Variants in MTUS2 observed in about 807,000 individuals in gnomAD.
MTUS2 encodes microtubule-associated tumor suppressor candidate 2.
A neutral mutation model predicts 114.1 loss-of-function variants in MTUS2; 40 were observed. The ratio of observed to expected loss-of-function variants is 0.35; its 90% CI spans 0.27 to 0.46. MTUS2 has a LOEUF of 0.46. Ranked by LOEUF, MTUS2 falls within the 20% of genes least tolerant of loss-of-function variation. The pLI, the probability that MTUS2 is intolerant of heterozygous loss-of-function variation, is 1.00. For missense variants in MTUS2, 1,679 were observed against 1,705.4 expected (o/e 0.98, Z 0.27); for synonymous variants, 688 against 672.0 (o/e 1.02, Z -0.37).
intron 5 of MTUS2, among the ~76,000 whole-genome samples, chr13:29,123,189 A>G (rs1003791096): frequency 6.6e-6 from 1 of 152,148 alleles, no homozygotes; most frequent in Non-Finnish European, 1.5e-5. Context: ...TAGTTTCTCT[A>G]AATAGTATCC....
chr13:28,938,976 T>A (rs1459899219), intron 2 of MTUS2, among the ~76,000 whole-genome samples: 1 of 152,204 alleles, frequency 6.6e-6, no homozygotes, highest in Non-Finnish European at 1.5e-5. Context: ...TTTCTACACT[T>A]GTAATTTCTT....
intron 5 of MTUS2, among the ~76,000 whole-genome samples, chr13:29,213,271 G>T (rs1307363519): frequency 6.6e-6 from 1 of 152,206 alleles, no homozygotes; most frequent in East Asian, 1.9e-4. Context: ...AACAAAGTCT[G>T]TCTTGGTAAA....
intron 2 of MTUS2, among the ~76,000 whole-genome samples, chr13:29,012,837 G>A (rs1401284015): frequency 6.8e-6 from 1 of 147,474 alleles, no homozygotes; most frequent in African/African-American, 2.4e-5. Flanking sequence ...TCGCACCACT[G>A]CATTCCAGCC....
At chr13:29,404,784 T>C (rs1182239289) in intron 8 of MTUS2, among the ~76,000 whole-genome samples, 4 of 152,180 alleles carry the variant, frequency 2.6e-5, no homozygotes, top group African/African-American at 9.7e-5. Context: ...ATAAAATAAA[T>C]GAGACAGAAG....
rs575201663 is a variant in MTUS2 at position 29,287,668 on chromosome 13, A to G, written c.2806+5803A>G. 2.6e-5 allele frequency among the ~76,000 whole-genome samples: 4 copies of G among 152,346 alleles called. No homozygotes were observed. The South Asian group carries it at 8.3e-4, about 32-fold the overall frequency. On this transcript the variant is annotated intron_variant, in intron 6 of 15. Transcript: ENST00000612955. ...CTCAAACATTCTTTCAAGCTGCCCT[A>G]CAGGCATCTGATATTTACTAGACTT...
intron 2 of MTUS2, among the ~76,000 whole-genome samples, chr13:28,872,283 A>G (rs879220279): frequency 6.6e-6 from 1 of 151,938 alleles, no homozygotes; most frequent in Admixed American, 6.6e-5. Flanking sequence ...GAAAGAGAGG[A>G]ATTGAACAGC....
intron 2 of MTUS2, among the ~76,000 whole-genome samples, chr13:28,956,256 G>C (rs1383145431): frequency 6.6e-6 from 1 of 151,910 alleles, no homozygotes; most frequent in Non-Finnish European, 1.5e-5. Context: ...GATCATTTCC[G>C]CCATGGTTGT....
intron 9 of MTUS2, among the ~76,000 whole-genome samples, chr13:29,475,944 C>G (rs1880670864): frequency 6.6e-6 from 1 of 152,178 alleles, no homozygotes; most frequent in African/African-American, 2.4e-5. Context: ...CGTAGGCCCT[C>G]ACATTCACTC....
chr13:29,194,538 C>T (rs1215524731), intron 5 of MTUS2, among the ~76,000 whole-genome samples: 1 of 152,188 alleles, frequency 6.6e-6, no homozygotes, highest in African/African-American at 2.4e-5. Context: ...ATCGAAACCA[C>T]AGTGAGATAC....
chr13:29,178,332 T>C (rs1204162456), intron 5 of MTUS2, among the ~76,000 whole-genome samples: 1 of 152,220 alleles, frequency 6.6e-6, no homozygotes, highest in Non-Finnish European at 1.5e-5. Context: ...TTGCTTTTTT[T>C]TTCTCCCCAG....
intron 6 of MTUS2, among the ~76,000 whole-genome samples, chr13:29,300,170 T>C (rs1376915359): frequency 6.6e-6 from 1 of 152,216 alleles, no homozygotes; most frequent in Non-Finnish European, 1.5e-5. Context: ...TTAGATAATA[T>C]GGAAGACATT....
intron 5 of MTUS2, among the ~76,000 whole-genome samples, chr13:29,129,189 C>CT (rs10610501): frequency 4.2e-4 from 58 of 138,484 alleles, no homozygotes; most frequent in South Asian, 9.4e-4. Context: ...CCCTGGCAGT[C>CT]TTTTTTTTTT....
At chr13:29,101,103 A>T (rs528993614) in intron 5 of MTUS2, 133 bp downstream of exon 5, 2 of 1,036,124 alleles carry the variant, frequency 1.9e-6, no homozygotes, top group Admixed American at 6.0e-5. Context: ...TTGTTGTGTT[A>T]TTCATCTACT....
intron 5 of MTUS2, among the ~76,000 whole-genome samples, chr13:29,179,499 A>T (rs1333531111): frequency 6.6e-6 from 1 of 152,204 alleles, no homozygotes; most frequent in African/African-American, 2.4e-5. Context: ...CCTCCCTAAA[A>T]GAAAGAAAGG....
chr13:29,386,732 T>C (rs552415938), intron 8 of MTUS2, among the ~76,000 whole-genome samples: 2 of 152,326 alleles, frequency 1.3e-5, no homozygotes, highest in African/African-American at 4.8e-5. Context: ...TGAGTCCAAC[T>C]GCCCAGTTAC....
chr13:29,317,159 C>T (rs1478233109), intron 6 of MTUS2, among the ~76,000 whole-genome samples: 1 of 152,166 alleles, frequency 6.6e-6, no homozygotes, highest in Non-Finnish European at 1.5e-5. Context: ...TATTTGAATA[C>T]AGAAACCTCC....
At chr13:28,825,213 C>T (rs1331866331) in intron 1 of MTUS2, among the ~76,000 whole-genome samples, 1 of 152,100 alleles carries the variant, frequency 6.6e-6, no homozygotes, top group Non-Finnish European at 1.5e-5. Context: ...CCAGCCTAGA[C>T]CATACCTGAA....
At chr13:29,326,623 G>T (rs1362156375) in intron 7 of MTUS2, among the ~76,000 whole-genome samples, 1 of 152,134 alleles carries the variant, frequency 6.6e-6, no homozygotes, top group Non-Finnish European at 1.5e-5. Flanking sequence ...TAAGATATTA[G>T]AAATGAACTC....
chr13:29,077,919 C>G (rs904120125), intron 4 of MTUS2, among the ~76,000 whole-genome samples: 10 of 152,016 alleles, frequency 6.6e-5, no homozygotes, highest in African/African-American at 2.4e-4. Flanking sequence ...AGAATCAATA[C>G]AAAAAGGGAA....
Sources: gnomAD v4.1 joint callset for allele counts (sites outside exome capture counted in the v4.1 genomes callset) on GRCh38, gnomAD v4.1.1 for gene constraint, MANE v1.5 for transcripts, NCBI Gene and HGNC (gene_info 2026-07-23, HGNC 2026-07-21) for gene names.